Variants in PPP1R12C observed in about 807,000 individuals in gnomAD.
The protein encoded by PPP1R12C is protein phosphatase 1 regulatory subunit 12C, also known as leukocyte receptor cluster (LRC) encoded novel gene 3.
In PPP1R12C, 48 loss-of-function variants were observed where a neutral mutation model predicts 95.6. That is an observed-to-expected ratio of 0.50 (90% CI 0.40 to 0.64). The LOEUF is 0.64. Among genes scored for constraint, PPP1R12C ranks in the 30% least tolerant of loss-of-function variants. The pLI, the probability that PPP1R12C is intolerant of heterozygous loss-of-function variation, is 0.00. For missense variants in PPP1R12C, 1,057 were observed against 1,083.3 expected (o/e 0.98, Z 0.34); for synonymous variants, 480 against 460.8 (o/e 1.04, Z -0.53).
rs755429378 is a variant in PPP1R12C, at chr19:55,096,077, T to A, written c.1127A>T (p.Glu376Val). 6.2e-7 allele frequency: 1 copy of A among 1,608,256 alleles called. No individual in the cohort carries two copies. The highest frequency in any genetic ancestry group is 2.2e-5 in the East Asian group (1 of 44,854). ...GGAGGPPIQD[E>V]DEGEEGPTEP... is the part of the protein sequence containing the mutation. ...GGTGGGACCTTCTTCCCCCTCATCC[T>A]CGTCCTGGATGGGGGGCCCCCCAGC... is the stretch of plus-strand genomic sequence containing the variant. The change falls in exon 8 of 22, where the codon GAG becomes GTG. Residue 376 changes from glutamate to valine, a missense_variant. By Grantham distance (121) the Glu-to-Val change is moderately radical. Transcript: ENST00000263433.
Position 55,091,295 on chromosome 19 carries a change from T to A in PPP1R12C, c.*177A>T. ...TCGGCCTCCCACCTCCATCCTGGCCTCGGGTGGCCCCCTCGGCTCCTGGGG... is the reference window on the plus strand; with the variant it reads ...TCGGCCTCCCACCTCCATCCTGGCCACGGGTGGCCCCCTCGGCTCCTGGGG... On this transcript the variant is annotated 3_prime_UTR_variant, in exon 22 of 22. Transcript: ENST00000263433. 1 of 669,174 alleles carries A rather than the reference T, an allele frequency of 1.5e-6. No individual in the cohort carries two copies. Among genetic ancestry groups the A allele is most frequent in the Non-Finnish European group, 2.5e-6 (1 of 399,004 alleles). The allele number at this position is 669,174 out of a possible 1,614,324, so 41.5% of individuals were successfully genotyped here.
At chr19:55,113,016 A>G in intron 1 of PPP1R12C, 1 of 598,766 alleles carries the variant, frequency 1.7e-6, no homozygotes. Context: ...CCACGAAAGG[A>G]CTCCTGGCTA....
intron 1 of PPP1R12C, chr19:55,113,289 A>C: frequency 1.2e-6 from 1 of 825,266 alleles, no homozygotes; most frequent in East Asian, 3.0e-5. Flanking sequence ...GCAGGAACGA[A>C]GCCGTGGGCC....
chr19:55,113,154 C>G, intron 1 of PPP1R12C: 1 of 503,170 alleles, frequency 2.0e-6, no homozygotes, highest in South Asian at 3.6e-5. Flanking sequence ...AGTGCTCAGA[C>G]TAGGGAAGAG....
chr19:55,103,373 T>C, intron 4 of PPP1R12C, 36 bp downstream of exon 4: 2 of 1,422,298 alleles, frequency 1.4e-6, no homozygotes, highest in Non-Finnish European at 1.9e-6. Context: ...CAGGAAGGTA[T>C]AAGACAGCAA....
chr19:55,104,921 G>A (rs1374115990), intron 3 of PPP1R12C, among the ~76,000 whole-genome samples: 2 of 151,602 alleles, frequency 1.3e-5, no homozygotes, highest in Non-Finnish European at 2.9e-5. Flanking sequence ...ACAGGCACAC[G>A]CCACCACACC....
intron 3 of PPP1R12C, among the ~76,000 whole-genome samples, chr19:55,108,481 C>A (rs975381785): frequency 7.9e-5 from 12 of 152,018 alleles, no homozygotes; most frequent in Admixed American, 7.9e-4. Flanking sequence ...ATATAAAAAT[C>A]ATTTTAAAAA....
intron 3 of PPP1R12C, chr19:55,111,933 T>C (rs1260610117): frequency 1.3e-5 from 2 of 152,454 alleles, no homozygotes; most frequent in Non-Finnish European, 2.9e-5. Flanking sequence ...TGTGTGGCCA[T>C]CACACACCTG....
intron 3 of PPP1R12C, among the ~76,000 whole-genome samples, chr19:55,110,827 T>C (rs2085087328): frequency 6.9e-6 from 1 of 145,920 alleles, no homozygotes; most frequent in African/African-American, 2.6e-5. Flanking sequence ...GCCGAAATCA[T>C]GCCATTGCAC....
Position 55,112,431 on chromosome 19 carries a change from T to C in PPP1R12C, c.571+36A>G, listed in dbSNP as rs564377931. On this transcript the variant is annotated intron_variant, in intron 3 of 21. Coordinates refer to ENST00000263433, the MANE Select transcript of PPP1R12C (RefSeq NM_017607.4). ...AGCCTGGAGACCACGGGTGAGGAGG[T>C]GTCCCCCACCCCACACACAGCACAC... The C allele has an allele frequency of 9.0e-6, 14 of 1,562,312 alleles. No homozygotes were observed. The East Asian group carries it at 1.8e-4, about 20-fold the overall frequency.
intron 6 of PPP1R12C, among the ~76,000 whole-genome samples, chr19:55,097,618 G>A (rs1193615630): frequency 2.0e-5 from 1 of 50,454 alleles, no homozygotes; most frequent in African/African-American, 7.1e-5. Flanking sequence ...CCCCTTCCCC[G>A]CGCAGTTCAC....
Position 55,091,416 on chromosome 19 carries a change from G to T in PPP1R12C, c.*56C>A. On this transcript the variant is annotated 3_prime_UTR_variant, in exon 22 of 22. Coordinates refer to ENST00000263433, the MANE Select transcript of PPP1R12C (RefSeq NM_017607.4). ...GTCACTCGTGTTCACACGGGGGAAG[G>T]GGTGCGTGTGGCAGAAGCAGCTGTA... is the stretch of plus-strand genomic sequence containing the variant. 3 of 1,503,710 alleles carry T rather than the reference G, an allele frequency of 2.0e-6. No individual in the cohort carries two copies. The highest frequency in any genetic ancestry group is 2.3e-5 in the East Asian group (1 of 43,240). 93.1% of individuals were successfully genotyped at this position (1,503,710 alleles called of 1,614,324 possible). A position where few individuals can be genotyped will look rare whatever the true frequency, so the allele number is the denominator to read the frequency against.
chr19:55,091,983 T>G, intron 19 of PPP1R12C, 74 bp from the exon 20 acceptor site: 1 of 1,561,944 alleles, frequency 6.4e-7, no homozygotes, highest in Non-Finnish European at 8.8e-7. Context: ...AGGCTCCTGC[T>G]GGGCACCCGC....
intron 2 of PPP1R12C, 33 bp from the exon 3 acceptor site, chr19:55,112,618 C>G (rs370792353): frequency 2.1e-5 from 34 of 1,612,240 alleles, no homozygotes; most frequent in Non-Finnish European, 2.5e-5. Context: ...GCTGAGGGTC[C>G]AGGCCCCCAC....
At chr19:55,091,776 G>A in intron 20 of PPP1R12C, 76 bp from the exon 21 acceptor site, 2 of 1,611,938 alleles carry the variant, frequency 1.2e-6, no homozygotes, top group Admixed American at 3.3e-5. Context: ...CAGCTGGGAA[G>A]GGCAATGTGG....
rs529514990 is a variant in PPP1R12C, at chr19:55,095,316, G to C, written c.1429C>G (p.Pro477Ala). 1.3e-6 allele frequency: 2 copies of C among 1,586,948 alleles called. No individual in the cohort carries two copies. Among genetic ancestry groups the C allele is most frequent in the Non-Finnish European group, 1.7e-6 (2 of 1,167,104 alleles). The change falls in exon 11 of 22, where the codon CCG becomes GCG. Residue 477 changes from proline to alanine, a missense_variant. Coordinates refer to ENST00000263433, the MANE Select transcript of PPP1R12C (RefSeq NM_017607.4). The part of the protein sequence containing the change: ...RLARITPTPS[P>A]KLPEPSVLSE... ...AGGACAGAGGGCTCCGGCAGCTTCG[G>C]GGAGGGGGTCGGGGTAATTCTGGCA...
At chr19:55,091,747 G>A (rs749127219) in intron 20 of PPP1R12C, 47 bp from the exon 21 acceptor site, 11 of 1,613,006 alleles carry the variant, frequency 6.8e-6, no homozygotes, top group African/African-American at 6.7e-5. Context: ...GCTGAGGAGG[G>A]CAGGGGAAGG....
rs776446463 is a variant in PPP1R12C at position 55,099,102 on chromosome 19, G to C, written c.732-7C>G. On this transcript the variant is annotated splice_region_variant and splice_polypyrimidine_tract_variant and intron_variant, in intron 4 of 21. Transcript: ENST00000263433. ...GCCAGCCTGAAGGAGCAACCTGGGG[G>C]CCAGGGAGGCTCAGGGTCAGAGGCC... 24 of 1,526,492 alleles carry C rather than the reference G, an allele frequency of 1.6e-5. No individual in the cohort carries two copies. Among genetic ancestry groups the C allele is most frequent in the Non-Finnish European group, 1.9e-5 (22 of 1,134,812 alleles). 94.6% of individuals were successfully genotyped at this position (1,526,492 alleles called of 1,614,324 possible).
intron 6 of PPP1R12C, among the ~76,000 whole-genome samples, chr19:55,097,222 A>C (rs34598268): frequency 3.7e-4 from 21 of 56,404 alleles, no homozygotes; most frequent in African/African-American, 7.9e-4. Flanking sequence ...CCGTCTTCAC[A>C]CCTTCCCCGC....
Sources: gnomAD v4.1 joint callset for allele counts (sites outside exome capture counted in the v4.1 genomes callset) on GRCh38, gnomAD v4.1.1 for gene constraint, MANE v1.5 for transcripts, NCBI Gene and HGNC (gene_info 2026-07-23, HGNC 2026-07-21) for gene names.